RBFOX1: variants seen among roughly 807,000 people sequenced by gnomAD.
The protein encoded by RBFOX1 is RNA binding protein fox-1 homolog 1.
Under a neutral mutation model 57.7 loss-of-function variants are expected in RBFOX1, and 8 were observed. The observed-to-expected ratio is 0.14, with a 90% CI of 0.08 to 0.25. The LOEUF is 0.25. RBFOX1 is among the 10% of genes least tolerant of loss of function. The pLI is 1.00. For missense variants in RBFOX1, 611 were observed against 548.5 expected, an observed-to-expected ratio of 1.11 and a Z score of -1.14; for synonymous variants, 326 against 222.4, an observed-to-expected ratio of 1.47 and a Z score of -4.15.
At chr16:6,809,509 AC>A (rs1361972939) in intron 3 of RBFOX1, among the ~76,000 whole-genome samples, 1 of 152,054 alleles carries the variant, frequency 6.6e-6, no homozygotes, top group African/African-American at 2.4e-5. Context: ...GCTGTCATTC[AC>A]CCCAGGAGGC....
intron 3 of RBFOX1, among the ~76,000 whole-genome samples, chr16:6,706,590 C>G (rs749820190): frequency 2.6e-5 from 4 of 152,150 alleles, no homozygotes; most frequent in Admixed American, 6.5e-5. Flanking sequence ...TGTGCCATTG[C>G]TCTAATAGAG....
intron 3 of RBFOX1, among the ~76,000 whole-genome samples, chr16:6,788,716 C>T (rs978680279): frequency 6.6e-6 from 1 of 150,514 alleles, no homozygotes; most frequent in Admixed American, 6.6e-5. Context: ...ATCTCGTGAT[C>T]CGCCCGCCTC....
At chr16:5,885,060 T>C (rs1407860563) in intron 4 of RBFOX1, among the ~76,000 whole-genome samples, 2 of 152,162 alleles carry the variant, frequency 1.3e-5, no homozygotes, top group African/African-American at 2.4e-5. Context: ...TGAGGCCAGA[T>C]GGTCTTCGGG....
chr16:6,496,454 C>A (rs1000925831), intron 2 of RBFOX1, among the ~76,000 whole-genome samples: 1 of 152,158 alleles, frequency 6.6e-6, no homozygotes, highest in African/African-American at 2.4e-5. Flanking sequence ...CAGTGCCTTA[C>A]TTTTAATAGC....
intron 4 of RBFOX1, among the ~76,000 whole-genome samples, chr16:5,990,110 G>A (rs1596355618): frequency 6.6e-6 from 1 of 152,080 alleles, no homozygotes; most frequent in South Asian, 2.1e-4. Context: ...CTCAGCCTCT[G>A]GAGTAGCTGG....
chr16:5,684,003 C>T (rs77495555), intron 3 of RBFOX1, among the ~76,000 whole-genome samples: 3,710 of 151,796 alleles, frequency 0.024, 155 homozygotes, highest in African/African-American at 0.083. Context: ...GTTATCACAG[C>T]GTAGGAGAAT....
At chr16:6,395,909 A>AG (rs2092810735) in intron 2 of RBFOX1, among the ~76,000 whole-genome samples, 1 of 151,824 alleles carries the variant, frequency 6.6e-6, no homozygotes, top group Non-Finnish European at 1.5e-5. Flanking sequence ...CTGCTAAAAT[A>AG]CAAAAAATTA....
intron 4 of RBFOX1, among the ~76,000 whole-genome samples, chr16:7,225,577 G>T (rs1433754533): frequency 6.6e-6 from 1 of 151,740 alleles, no homozygotes; most frequent in Non-Finnish European, 1.5e-5. Flanking sequence ...CTAATACAGT[G>T]GGCCATGTGA....
At chr16:7,534,775 T>A (rs1389618383) in intron 5 of RBFOX1, among the ~76,000 whole-genome samples, 1 of 46,020 alleles carries the variant, frequency 2.2e-5, no homozygotes, top group African/African-American at 9.1e-5. Flanking sequence ...ATGAGCAGGA[T>A]CCAGGTTTTA....
intron 4 of RBFOX1, among the ~76,000 whole-genome samples, chr16:7,378,783 T>G (rs191542037): frequency 1.1e-3 from 167 of 152,322 alleles, no homozygotes; most frequent in African/African-American, 3.6e-3. Flanking sequence ...CGGACACTCT[T>G]GGGCACACTG....
intron 2 of RBFOX1, among the ~76,000 whole-genome samples, chr16:6,551,778 C>G (rs2096993852): frequency 6.6e-6 from 1 of 152,178 alleles, no homozygotes; most frequent in South Asian, 2.1e-4. Flanking sequence ...TGGTCCTTTT[C>G]CAACCGGGAC....
At chr16:5,373,499 G>A (rs1396199039) in intron 1 of RBFOX1, among the ~76,000 whole-genome samples, 5 of 152,048 alleles carry the variant, frequency 3.3e-5, no homozygotes, top group African/African-American at 7.2e-5. Flanking sequence ...CATGTAAGAC[G>A]CACCTGTTCC....
intron 2 of RBFOX1, among the ~76,000 whole-genome samples, chr16:6,586,851 G>T (rs183654745): frequency 3.0e-4 from 45 of 152,212 alleles, no homozygotes; most frequent in African/African-American, 1.1e-3. Flanking sequence ...AAGGGAAAAG[G>T]TTTCTTCAAT....
intron 4 of RBFOX1, among the ~76,000 whole-genome samples, chr16:7,343,311 C>A (rs895720512): frequency 6.6e-6 from 1 of 152,080 alleles, no homozygotes; most frequent in Non-Finnish European, 1.5e-5. Flanking sequence ...TCCAGATGTT[C>A]CCCCAAAGCT....
At chr16:7,337,538 T>C (rs2096813900) in intron 4 of RBFOX1, among the ~76,000 whole-genome samples, 2 of 151,994 alleles carry the variant, frequency 1.3e-5, no homozygotes, top group Admixed American at 1.3e-4. Context: ...ATCTCAAGAG[T>C]GAAAAAACAT....
intron 3 of RBFOX1, among the ~76,000 whole-genome samples, chr16:5,845,238 C>A (rs890293407): frequency 7.2e-5 from 11 of 152,166 alleles, no homozygotes; most frequent in Middle Eastern, 3.4e-3. Context: ...CCACCCTCAG[C>A]CAGCACTTCA....
At chr16:6,554,137 T>G (rs1442155800) in intron 2 of RBFOX1, among the ~76,000 whole-genome samples, 1 of 152,184 alleles carries the variant, frequency 6.6e-6, no homozygotes, top group African/African-American at 2.4e-5. Flanking sequence ...AATTAGAAAT[T>G]GGCAAAATGG....
chr16:7,212,052 G>T (rs8052265), intron 4 of RBFOX1, among the ~76,000 whole-genome samples: 31,854 of 151,888 alleles, frequency 0.21, 3,848 homozygotes, highest in East Asian at 0.36. Context: ...GGGCCAAGAA[G>T]GTTCCTAACA....
chr16:6,573,293 G>GTT (rs2097371261), intron 2 of RBFOX1, among the ~76,000 whole-genome samples: 1 of 151,842 alleles, frequency 6.6e-6, no homozygotes, highest in Non-Finnish European at 1.5e-5. Flanking sequence ...GTCTGCCAGG[G>GTT]GACGCCATAC....
Sources: allele counts gnomAD v4.1 joint callset (sites outside exome capture counted in the v4.1 genomes callset), GRCh38; gene constraint gnomAD v4.1.1; transcripts MANE v1.5; gene names NCBI Gene and HGNC (gene_info 2026-07-23, HGNC 2026-07-21).